RAD9B: variants seen among roughly 807,000 people sequenced by gnomAD.
RAD9B encodes the protein RAD9 checkpoint clamp component B, also known as cell cycle checkpoint control protein RAD9B.
A neutral mutation model predicts 48.3 loss-of-function variants in RAD9B; 41 were observed. That is an observed-to-expected ratio of 0.85 (90% confidence interval 0.66 to 1.10). RAD9B has a LOEUF of 1.10. Ranked by LOEUF, RAD9B falls within the 50% of genes least tolerant of loss-of-function variation. The pLI, the probability that RAD9B is intolerant of heterozygous loss-of-function variation, is 0.00. For synonymous variants in RAD9B, 160 were observed against 157.9 expected (o/e 1.01, Z -0.10); for missense variants, 444 against 485.1 (o/e 0.92, Z 0.80).
At chr12:110,509,527 G>C (rs1423266365) in intron 4 of RAD9B, among the ~76,000 whole-genome samples, 1 of 152,082 alleles carries the variant, frequency 6.6e-6, no homozygotes, top group African/African-American at 2.4e-5. Flanking sequence ...TCTTGCCTCA[G>C]CCTCCTAATG....
chr12:110,518,931 C>G lies in RAD9B; in HGVS notation c.760C>G (p.Pro254Ala). 1 of 1,560,950 alleles carries G rather than the reference C, an allele frequency of 6.4e-7. No individual in the cohort carries two copies. The highest frequency in any genetic ancestry group is 8.7e-7 in the Non-Finnish European group (1 of 1,153,380). The change falls in exon 8 of 11, where the codon CCT (proline) becomes GCT (alanine). Residue 254 changes from proline to alanine, a missense_variant. Pro to Ala is a conservative substitution (Grantham distance 27). Coordinates refer to ENST00000409300, the MANE Select transcript of RAD9B (RefSeq NM_001286535.2). ...HAPISIYFDFPGKPLALSIDD... is the reference protein window; with the variant it reads ...HAPISIYFDFAGKPLALSIDD... ...TCCTATATCCATTTATTTTGATTTC[C>G]CTGGGAAGTAGGTCCTTGAGAATTT...
intron 4 of RAD9B, 87 bp from the exon 5 acceptor site, chr12:110,512,692 T>A: frequency 1.6e-6 from 1 of 636,574 alleles, no homozygotes; most frequent in Non-Finnish European, 2.7e-6. Context: ...ACTTTATTAC[T>A]TTAATTTGGC....
chr12:110,514,056 C>G (rs981388917), intron 5 of RAD9B, among the ~76,000 whole-genome samples: 5 of 148,174 alleles, frequency 3.4e-5, no homozygotes, highest in Non-Finnish European at 7.5e-5. Context: ...TTCCTTCCTT[C>G]CTTGCTTCCT....
chr12:110,519,157 G>A (rs2063697197), intron 8 of RAD9B, among the ~76,000 whole-genome samples: 1 of 152,200 alleles, frequency 6.6e-6, no homozygotes, highest in African/African-American at 2.4e-5. Context: ...AGGCTGGAGT[G>A]CAGTGGCATG....
At chr12:110,527,689 C>T (rs1428827157) in intron 10 of RAD9B, among the ~76,000 whole-genome samples, 14 of 152,138 alleles carry the variant, frequency 9.2e-5, no homozygotes, top group Admixed American at 9.2e-4. Flanking sequence ...GCGGGTATCA[C>T]GTATCGGGAC....
At chr12:110,527,230 C>T (rs1318013939) in intron 10 of RAD9B, among the ~76,000 whole-genome samples, 2 of 152,146 alleles carry the variant, frequency 1.3e-5, no homozygotes, top group Non-Finnish European at 2.9e-5. Context: ...GTTTTTTCCA[C>T]ACAGCCGCAC....
intron 6 of RAD9B, among the ~76,000 whole-genome samples, chr12:110,517,751 G>GACAGAC (rs2063647531): frequency 7.1e-6 from 1 of 141,418 alleles, no homozygotes. Flanking sequence ...ACAAAACATT[G>GACAGAC]ACACACACAC....
chr12:110,525,791 A>G (rs34887431), intron 10 of RAD9B, among the ~76,000 whole-genome samples: 2,466 of 152,292 alleles, frequency 0.016, 29 homozygotes, highest in South Asian at 0.047. Flanking sequence ...CTCGGGTTCA[A>G]GTGATTCTCC....
rs2064153422 is a variant in RAD9B at position 110,531,987 on chromosome 12, A to C, written c.*1334A>C. 4.8e-6 allele frequency: 1 copy of C among 207,538 alleles called. No individual in the cohort carries two copies. Among genetic ancestry groups the C allele is most frequent in the Non-Finnish European group, 9.6e-6 (1 of 104,512 alleles). 12.9% of individuals were successfully genotyped at this position (207,538 alleles called of 1,614,324 possible). A position where few individuals can be genotyped will look rare whatever the true frequency, so the allele number is the denominator to read the frequency against. On this transcript the variant is annotated 3_prime_UTR_variant, in exon 11 of 11. Transcript: ENST00000409300. ...GGATTTGCATGCTTTAGAACTGTGA[A>C]TAGAGTTCTAACTGAAACCAGAATT...
At chr12:110,525,757 C>A (rs2063916984) in intron 10 of RAD9B, among the ~76,000 whole-genome samples, 1 of 152,152 alleles carries the variant, frequency 6.6e-6, no homozygotes, top group African/African-American at 2.4e-5. Context: ...GTGGCATGAT[C>A]TTGGCTCACT....
chr12:110,531,645 T>TCCA lies in RAD9B; in HGVS notation c.*994_*996dup. The TCCA allele has an allele frequency of 6.2e-7, 1 of 1,608,632 alleles. No homozygotes were observed. Among genetic ancestry groups the TCCA allele is most frequent in the Non-Finnish European group, 8.5e-7 (1 of 1,178,270 alleles). On this transcript the variant is annotated 3_prime_UTR_variant, in exon 11 of 11. Coordinates refer to ENST00000409300, the MANE Select transcript of RAD9B (RefSeq NM_001286535.2). ...TATTATCTGACATAGAACAGTATCC[T>TCCA]CCACTGCCAAGACAGCCTGAGTTTG...
At chr12:110,509,471 C>T (rs561787116) in intron 4 of RAD9B, among the ~76,000 whole-genome samples, 3 of 152,000 alleles carry the variant, frequency 2.0e-5, no homozygotes, top group Non-Finnish European at 4.4e-5. Context: ...AACAAGGTCT[C>T]ACTGTGTTTT....
chr12:110,512,418 G>A (rs1247563269), intron 4 of RAD9B, among the ~76,000 whole-genome samples: 3 of 151,854 alleles, frequency 2.0e-5, no homozygotes, highest in Non-Finnish European at 4.4e-5. Flanking sequence ...CAAAGTGCTG[G>A]GATTACAGGC....
intron 4 of RAD9B, chr12:110,508,158 C>A (rs1017817522): frequency 5.9e-6 from 1 of 169,206 alleles, no homozygotes; most frequent in African/African-American, 2.4e-5. Context: ...CGTGTAAATT[C>A]TTCTCCACTT....
intron 9 of RAD9B, 25 bp from the exon 10 acceptor site, chr12:110,522,152 C>A: frequency 7.0e-7 from 1 of 1,418,838 alleles, no homozygotes; most frequent in Non-Finnish European, 9.7e-7. Flanking sequence ...ACAGTTCATT[C>A]ATTTAATGCC....
At chr12:110,511,528 T>C in intron 4 of RAD9B, 1 of 448,356 alleles carries the variant, frequency 2.2e-6, no homozygotes, top group Non-Finnish European at 4.5e-6. Flanking sequence ...AAAAAGTTGA[T>C]CTCATGGAGG....
rs1220542328 is a variant in RAD9B, at chr12:110,531,578, C to T, written c.*925C>T. On this transcript the variant is annotated 3_prime_UTR_variant, in exon 11 of 11. Transcript: ENST00000409300. ...ATGTGATTTTTTATTTTGCAGTGTGCTGCAGGAAAGAATTTAATGGAAGTG... is the reference window on the plus strand; with the variant it reads ...ATGTGATTTTTTATTTTGCAGTGTGTTGCAGGAAAGAATTTAATGGAAGTG... The T allele has an allele frequency of 1.3e-6, 2 of 1,592,824 alleles. No individual in the cohort carries two copies. The highest frequency in any genetic ancestry group is 1.7e-6 in the Non-Finnish European group (2 of 1,162,288).
rs747623867 is a variant in RAD9B at position 110,531,572 on chromosome 12, A to C, written c.*919A>C. On this transcript the variant is annotated 3_prime_UTR_variant, in exon 11 of 11. Transcript: ENST00000409300. ...TTTCAGATGTGATTTTTTATTTTGC[A>C]GTGTGCTGCAGGAAAGAATTTAATG... 11 of 1,570,936 alleles carry C rather than the reference A, an allele frequency of 7.0e-6. No homozygotes were observed. The East Asian group carries it at 2.5e-4, about 35-fold the overall frequency.
chr12:110,513,921 C>T (rs1229124798), intron 5 of RAD9B, among the ~76,000 whole-genome samples: 1 of 151,766 alleles, frequency 6.6e-6, no homozygotes, highest in South Asian at 2.1e-4. Flanking sequence ...GACGGGGTTT[C>T]GCCATGTTGC....
Sources: allele counts gnomAD v4.1 joint callset (sites outside exome capture counted in the v4.1 genomes callset), GRCh38; gene constraint gnomAD v4.1.1; transcripts MANE v1.5; gene names NCBI Gene and HGNC (gene_info 2026-07-23, HGNC 2026-07-21).